Variants in RGS5 observed in about 807,000 individuals in gnomAD.
The protein encoded by RGS5 is regulator of G protein signaling 5, also known as regulator of G-protein signalling 5.
A neutral mutation model predicts 18.9 loss-of-function variants in RGS5; 20 were observed. The ratio of observed to expected loss-of-function variants is 1.06; its 90% CI spans 0.74 to 1.54. RGS5 has a LOEUF of 1.54. Ranked by LOEUF, RGS5 falls within the 40% of genes most tolerant of loss-of-function variation. RGS5 has a pLI of 0.00. For missense variants in RGS5, 201 were observed against 211.8 expected, an observed-to-expected ratio of 0.95 and a Z score of 0.32; for synonymous variants, 57 against 76.2, an observed-to-expected ratio of 0.75 and a Z score of 1.31.
chr1:163,250,149 C>T (rs71641988), intron 2 of RGS5, among the ~76,000 whole-genome samples: 14 of 152,320 alleles, frequency 9.2e-5, no homozygotes, highest in Middle Eastern at 3.4e-3. Flanking sequence ...CTAAGCTTTT[C>T]TTAAAACATG....
At chr1:163,285,079 AG>A (rs2101721442) in intron 2 of RGS5, among the ~76,000 whole-genome samples, 1 of 152,306 alleles carries the variant, frequency 6.6e-6, no homozygotes, top group Admixed American at 6.5e-5. Flanking sequence ...CCATGAGAAC[AG>A]TATGGGGTAA....
At chr1:163,244,295 T>G (rs1647873843) in intron 2 of RGS5, among the ~76,000 whole-genome samples, 1 of 152,206 alleles carries the variant, frequency 6.6e-6, no homozygotes, top group African/African-American at 2.4e-5. Context: ...TGTTCCAAGT[T>G]GCTTTCCCAG....
rs1389065396 is a variant in RGS5 at position 163,161,904 on chromosome 1, T to C, written c.217+11A>G. 7 of 1,610,280 alleles carry C rather than the reference T, an allele frequency of 4.3e-6. No individual in the cohort carries two copies. Among genetic ancestry groups the C allele is most frequent in the East Asian group, 2.2e-5 (1 of 44,854 alleles). On this transcript the variant is annotated intron_variant, in intron 3 of 4. Coordinates refer to ENST00000313961, the MANE Select transcript of RGS5 (RefSeq NM_003617.4). ...GACCTTTATTTAAAAAAACAAACAA[T>C]GGAAACTTACAGTTGTTCTGCAGGA... is the stretch of plus-strand genomic sequence containing the variant.
chr1:163,309,462 G>T (rs1339216827), intron 1 of RGS5, among the ~76,000 whole-genome samples: 4 of 151,668 alleles, frequency 2.6e-5, no homozygotes, highest in African/African-American at 9.7e-5. Flanking sequence ...AATGTTTAGA[G>T]AATCTTTACC....
intron 2 of RGS5, among the ~76,000 whole-genome samples, chr1:163,246,962 T>A (rs1647958382): frequency 6.6e-6 from 1 of 152,156 alleles, no homozygotes; most frequent in Non-Finnish European, 1.5e-5. Flanking sequence ...GCCATTACCC[T>A]AAGTCAATTA....
intron 3 of RGS5, among the ~76,000 whole-genome samples, chr1:163,153,206 G>T (rs1250698769): frequency 1.3e-5 from 2 of 152,094 alleles, no homozygotes; most frequent in Non-Finnish European, 1.5e-5. Flanking sequence ...GATGATTTTT[G>T]TTTAACTATT....
At chr1:163,217,579 T>C in exon 1 of RGS5, 1 of 1,547,510 alleles carries the variant, frequency 6.5e-7, no homozygotes, top group Non-Finnish European at 8.7e-7. Flanking sequence ...TCCTGTGAAA[T>C]GTTTCTTGCG....
chr1:163,250,489 G>C (rs1237320144), intron 2 of RGS5, among the ~76,000 whole-genome samples: 2 of 152,124 alleles, frequency 1.3e-5, no homozygotes, highest in African/African-American at 2.4e-5. Context: ...TAAATGATTT[G>C]TCTGCAAACA....
chr1:163,218,742 G>A (rs1384680935), upstream of RGS5, among the ~76,000 whole-genome samples: 3 of 152,110 alleles, frequency 2.0e-5, no homozygotes, highest in African/African-American at 7.2e-5. Flanking sequence ...ATTAGTGAGA[G>A]AAACTATGGG....
intron 1 of RGS5, among the ~76,000 whole-genome samples, chr1:163,176,326 G>A (rs1302253813): frequency 6.6e-6 from 1 of 152,202 alleles, no homozygotes; most frequent in Non-Finnish European, 1.5e-5. Context: ...GGTGGACAGA[G>A]AAAAGCCTGT....
In RGS5 at chr1:163,152,537, C is replaced by T; in HGVS notation, c.384+13G>A. ...GAGCTGCCCTTAACTGACCCACCTA[C>T]CCAGAGACCAACCTCTTTAGGAGCC... On this transcript the variant is annotated intron_variant, in intron 4 of 4. Transcript: ENST00000313961. 1 of 1,606,182 alleles carries T rather than the reference C, an allele frequency of 6.2e-7. No homozygotes were observed. Among genetic ancestry groups the T allele is most frequent in the Non-Finnish European group, 8.5e-7 (1 of 1,176,542 alleles).
intron 2 of RGS5, among the ~76,000 whole-genome samples, chr1:163,300,217 A>G (rs1015945230): frequency 1.3e-5 from 2 of 152,222 alleles, no homozygotes; most frequent in Admixed American, 6.5e-5. Context: ...AAGATGAGAT[A>G]GAGGGCAGTG....
chr1:163,177,858 G>T (rs1414272148), intron 1 of RGS5, among the ~76,000 whole-genome samples: 1 of 152,186 alleles, frequency 6.6e-6, no homozygotes, highest in Non-Finnish European at 1.5e-5. Context: ...GCCTCTGAGG[G>T]AGTTGTGTTG....
chr1:163,181,889 C>T (rs1029135059), intron 1 of RGS5, among the ~76,000 whole-genome samples: 1 of 152,086 alleles, frequency 6.6e-6, no homozygotes, highest in Non-Finnish European at 1.5e-5. Context: ...TGACATTGGA[C>T]AAATTAAATT....
At chr1:163,187,150 C>G (rs778050027) in intron 1 of RGS5, among the ~76,000 whole-genome samples, 9 of 152,154 alleles carry the variant, frequency 5.9e-5, no homozygotes, top group Admixed American at 1.3e-4. Context: ...AGGGCCCAAT[C>G]TGGACCAGGA....
chr1:163,173,918 A>T (rs1262186605), intron 1 of RGS5, among the ~76,000 whole-genome samples: 6 of 152,098 alleles, frequency 3.9e-5, no homozygotes, highest in Non-Finnish European at 7.4e-5. Context: ...TACTGAAAAT[A>T]CAAAAAAAAT....
rs376546071 is a variant in RGS5 at position 163,233,194 on chromosome 1, T to C, written c.-280-64826A>G. On this transcript the variant is annotated intron_variant, in intron 2 of 5. Coordinates refer to the RGS5 transcript ENST00000618415. ...GCACTACTTGAGTGATATTTTTTCT[T>C]CTCTGTGCATCATATCAGGAGGTAC... Among the ~76,000 whole-genome samples, 3 of 152,254 alleles carry C rather than the reference T, an allele frequency of 2.0e-5. No individual in the cohort carries two copies. In the East Asian group the frequency reaches 5.8e-4, roughly 29 times the overall value.
At chr1:163,252,054 A>G (rs1361837107) in intron 2 of RGS5, among the ~76,000 whole-genome samples, 1 of 152,142 alleles carries the variant, frequency 6.6e-6, no homozygotes, top group Non-Finnish European at 1.5e-5. Context: ...TCTTAAATAT[A>G]TATTTAGTTT....
intron 1 of RGS5, among the ~76,000 whole-genome samples, chr1:163,210,177 G>C (rs922496299): frequency 2.7e-5 from 4 of 150,932 alleles, no homozygotes; most frequent in African/African-American, 7.3e-5. Flanking sequence ...CGTATTTTTT[G>C]GGGTACAGAC....
Sources: gnomAD v4.1 joint callset for allele counts (sites outside exome capture counted in the v4.1 genomes callset) on GRCh38, gnomAD v4.1.1 for gene constraint, MANE v1.5 for transcripts, NCBI Gene and HGNC (gene_info 2026-07-23, HGNC 2026-07-21) for gene names.